Variants in ACSL6 observed in about 807,000 individuals in gnomAD.
ACSL6 encodes acyl-CoA synthetase long chain family member 6, also known as long-chain-fatty-acid--CoA ligase 6.
In ACSL6, 47 loss-of-function variants were observed where a neutral mutation model predicts 98.2. The ratio of observed to expected loss-of-function variants is 0.48; its 90% confidence interval spans 0.38 to 0.61. ACSL6 has a LOEUF of 0.61. ACSL6 is among the 20% of genes least tolerant of loss of function. The pLI is 0.00. For missense variants in ACSL6, 761 were observed against 913.4 expected (o/e 0.83, Z 2.15); for synonymous variants, 362 against 336.9 (o/e 1.07, Z -0.82).
At chr5:131,960,836 T>G in intron 18 of ACSL6, 1 of 454,126 alleles carries the variant, frequency 2.2e-6, no homozygotes, top group Middle Eastern at 5.7e-4. Flanking sequence ...ATAAGGACAT[T>G]AAGAATCAGT....
chr5:131,959,390 C>A, intron 20 of ACSL6, 146 bp downstream of exon 20: 1 of 785,468 alleles, frequency 1.3e-6, no homozygotes, highest in Non-Finnish European at 2.1e-6. Context: ...CAGCTTGGAA[C>A]AGGCCTTCAG....
intron 9 of ACSL6, among the ~76,000 whole-genome samples, chr5:131,980,832 A>C (rs965294503): frequency 6.6e-6 from 1 of 152,168 alleles, no homozygotes; most frequent in South Asian, 2.1e-4. Context: ...GGCCTCCCCA[A>C]GGATCCCATT....
intron 14 of ACSL6, among the ~76,000 whole-genome samples, chr5:131,970,523 C>T (rs1044130364): frequency 1.3e-5 from 2 of 152,008 alleles, no homozygotes; most frequent in African/African-American, 2.4e-5. Flanking sequence ...CATTCTCCCG[C>T]CTCAGCCTCC....
Position 131,986,741 on chromosome 5 carries a change from C to G in ACSL6, c.864+81G>C, listed in dbSNP as rs1580671659. 6 of 1,538,140 alleles carry G rather than the reference C, an allele frequency of 3.9e-6. No homozygotes were observed. The East Asian group carries it at 1.3e-4, about 35-fold the overall frequency. On this transcript the variant is annotated intron_variant, in intron 8 of 20. Transcript: ENST00000651883. Reference sequence around the variant, plus strand: ...TGCTTATTAACACAGAGGTGCTGTTCTGTGCACAGTGAGGGACTCTGTGAG... The same window carrying G: ...TGCTTATTAACACAGAGGTGCTGTTGTGTGCACAGTGAGGGACTCTGTGAG...
At chr5:131,994,828 T>C (rs546817749) in intron 1 of ACSL6, 3 of 165,678 alleles carry the variant, frequency 1.8e-5, no homozygotes, top group South Asian at 1.5e-4. Flanking sequence ...CCAGCCCTCA[T>C]GATGTGAAGG....
At chr5:131,986,944 C>CACACAT in intron 7 of ACSL6, 90 bp from the exon 8 acceptor site, 1 of 1,326,124 alleles carries the variant, frequency 7.5e-7, no homozygotes, top group Non-Finnish European at 1.1e-6. Context: ...CTCTCACACA[C>CACACAT]GCACATACAC....
intron 4 of ACSL6, 72 bp from the exon 5 acceptor site, chr5:131,989,580 ATTCTTTTTTT>A: frequency 4.9e-6 from 2 of 407,708 alleles, no homozygotes; most frequent in Non-Finnish European, 8.6e-6. Flanking sequence ...CCCAGGAGGA[ATTCTTTTTTT>A]TTTTTTTTTT....
At chr5:132,005,857 G>T (rs1219340004) in intron 1 of ACSL6, among the ~76,000 whole-genome samples, 1 of 152,080 alleles carries the variant, frequency 6.6e-6, no homozygotes, top group African/African-American at 2.4e-5. Flanking sequence ...TGGTCAATAG[G>T]GTCTGTCCCA....
chr5:131,964,831 A>G (rs1752923223), intron 17 of ACSL6, among the ~76,000 whole-genome samples: 1 of 152,158 alleles, frequency 6.6e-6, no homozygotes, highest in South Asian at 2.1e-4. Flanking sequence ...GCCTCTACTC[A>G]GCATATATTA....
intron 19 of ACSL6, 186 bp from the exon 20 acceptor site, chr5:131,959,793 T>C: frequency 1.6e-6 from 1 of 621,920 alleles, no homozygotes; most frequent in Non-Finnish European, 2.8e-6. Flanking sequence ...GGCAAGTAAG[T>C]ACCTGAAATG....
chr5:131,956,418 T>C (rs1037002965), intron 20 of ACSL6, among the ~76,000 whole-genome samples: 1 of 152,192 alleles, frequency 6.6e-6, no homozygotes, highest in East Asian at 1.9e-4. Flanking sequence ...GAAGAGGCTA[T>C]ATCATTAAAT....
intron 9 of ACSL6, among the ~76,000 whole-genome samples, chr5:131,979,702 A>G (rs776175319): frequency 2.0e-5 from 3 of 152,248 alleles, no homozygotes; most frequent in Non-Finnish European, 4.4e-5. Flanking sequence ...AATGTTGGCA[A>G]CAAATTGTGG....
At chr5:131,955,294 T>C (rs1258329209) in intron 20 of ACSL6, among the ~76,000 whole-genome samples, 2 of 152,230 alleles carry the variant, frequency 1.3e-5, no homozygotes, top group African/African-American at 2.4e-5. Flanking sequence ...GATATGGTTA[T>C]TGTAAAAAGG....
At chr5:131,992,915 CTTT>C (rs1171941783) in intron 2 of ACSL6, among the ~76,000 whole-genome samples, 2 of 152,204 alleles carry the variant, frequency 1.3e-5, no homozygotes, top group Non-Finnish European at 2.9e-5. Context: ...AGCAGGTGCT[CTTT>C]TTATTACACA....
In ACSL6 at chr5:131,954,306, T is replaced by G; in HGVS notation, c.2097A>C (p.Leu699=). Residue 699 remains leucine (L), a synonymous_variant, in exon 21 of 21, where the codon CTA becomes CTC. Coordinates refer to ENST00000651883, the MANE Select transcript of ACSL6 (RefSeq NM_001009185.3). ...SVQNGLLTPT[L]KAKRPELREY... ...CTCTCAGCTCAGGTCTCTTAGCTTT[T>G]AGTGTTGGTGTCAGCAAGCCATTTT... 6.2e-7 allele frequency: 1 copy of G among 1,614,060 alleles called. No individual in the cohort carries two copies. The highest frequency in any genetic ancestry group is 8.5e-7 in the Non-Finnish European group (1 of 1,179,964).
Position 132,011,336 on chromosome 5 carries a change from A to C in ACSL6, c.49+169T>G. On this transcript the variant is annotated intron_variant, in intron 1 of 20. Coordinates refer to ENST00000651883, the MANE Select transcript of ACSL6 (RefSeq NM_001009185.3). This position sits in a 1 kb window ranked among gnomAD's most constrained non-coding sequence, Gnocchi z 5.4. ...CAAACCCGGCCCGGAGCCCGCGAGA[A>C]CTGGGGGCGGAGGGTGTACTTAGGC... 1.5e-6 allele frequency: 1 copy of C among 663,402 alleles called. No homozygotes were observed. Among genetic ancestry groups the C allele is most frequent in the Non-Finnish European group, 2.6e-6 (1 of 382,810 alleles). 41.1% of individuals were successfully genotyped at this position (663,402 alleles called of 1,614,324 possible). A position where few individuals can be genotyped will look rare whatever the true frequency, so the allele number is the denominator to read the frequency against.
In ACSL6 at chr5:131,968,337, G is replaced by T. The variant is rs776617921; in HGVS notation, c.1508-309C>A. The T allele has an allele frequency of 1.2e-4, 30 of 240,814 alleles. No individual in the cohort carries two copies. The East Asian group carries it at 2.3e-3, about 18-fold the overall frequency. The allele number at this position is 240,814 out of a possible 1,614,324, so 14.9% of individuals were successfully genotyped here. A position where few individuals can be genotyped will look rare whatever the true frequency, so the allele number is the denominator to read the frequency against. On this transcript the variant is annotated intron_variant, in intron 15 of 20. Coordinates refer to ENST00000651883, the MANE Select transcript of ACSL6 (RefSeq NM_001009185.3). The stretch of plus-strand genomic sequence containing the variant: ...GGTAGGATGGGGGGCATCAAACACA[G>T]GGTCAAGATTTTTGAAAATGGTGGC...
At chr5:131,963,756 G>A (rs1752863424) in intron 17 of ACSL6, among the ~76,000 whole-genome samples, 1 of 152,224 alleles carries the variant, frequency 6.6e-6, no homozygotes, top group East Asian at 1.9e-4. Context: ...TGCTTGATCT[G>A]CCAGTGCCAG....
At position 131,950,532 on chromosome 5, in the gene ACSL6, TA is replaced by T. The variant is rs1193955485; in HGVS notation, c.*3701del. 3.5e-5 allele frequency: 7 copies of T among 202,454 alleles called. No individual in the cohort carries two copies. The allele number at this position is 202,454 out of a possible 1,614,324, so 12.5% of individuals were successfully genotyped here. On this transcript the variant is annotated 3_prime_UTR_variant, in exon 21 of 21. Transcript: ENST00000651883. ...CTTAAAATTAAAACCGGCAAGGAAA[TA>T]CAGCCAATTTATAGTTTACCAATTT...
Sources: allele counts gnomAD v4.1 joint callset (sites outside exome capture counted in the v4.1 genomes callset), GRCh38; gene constraint gnomAD v4.1.1; non-coding constraint Gnocchi (gnomAD v3.1); transcripts MANE v1.5; gene names NCBI Gene and HGNC (gene_info 2026-07-23, HGNC 2026-07-21).